SCOC: variants seen among roughly 807,000 people sequenced by gnomAD.
The protein encoded by SCOC is short coiled-coil protein, also known as short coiled coil protein.
SCOC carries 7 observed loss-of-function variants against 9.9 expected under a neutral mutation model. The observed-to-expected ratio is 0.71, with a 90% CI of 0.40 to 1.33. The LOEUF is 1.33. Among genes scored for constraint, SCOC ranks in the 40% most tolerant of loss-of-function variants. The pLI is 0.01. For missense variants in SCOC, 66 were observed against 89.7 expected, an observed-to-expected ratio of 0.74 and a Z score of 1.07; for synonymous variants, 19 against 28.2, an observed-to-expected ratio of 0.67 and a Z score of 1.03.
chr4:140,371,639 C>T (rs891752817), upstream of SCOC, among the ~76,000 whole-genome samples: 1 of 152,208 alleles, frequency 6.6e-6, no homozygotes, highest in African/African-American at 2.4e-5. Context: ...ATACCAACTT[C>T]CAGGTACCCT....
At chr4:140,345,962 T>G (rs894849689) in intron 2 of SCOC, among the ~76,000 whole-genome samples, 1 of 152,234 alleles carries the variant, frequency 6.6e-6, no homozygotes, top group Non-Finnish European at 1.5e-5. Flanking sequence ...TTATTTCATC[T>G]TTACAACATC....
At chr4:140,288,336 CAT>C (rs1330459267) in intron 1 of SCOC, among the ~76,000 whole-genome samples, 1 of 151,992 alleles carries the variant, frequency 6.6e-6, no homozygotes, top group African/African-American at 2.4e-5. Flanking sequence ...ATAAATATTA[CAT>C]GTCACACAAA....
At chr4:140,289,014 CAT>C (rs1039288958) in intron 1 of SCOC, among the ~76,000 whole-genome samples, 12 of 152,086 alleles carry the variant, frequency 7.9e-5, no homozygotes, top group African/African-American at 2.7e-4. Flanking sequence ...TGTCCACACA[CAT>C]GACACACACA....
At chr4:140,379,286 A>G (rs1257652282) in intron 2 of SCOC, 94 bp downstream of exon 2, 3 of 897,308 alleles carry the variant, frequency 3.3e-6, no homozygotes, top group Non-Finnish European at 5.6e-6. Context: ...CATGTTTAGA[A>G]GACTTTGATC....
intron 1 of SCOC, among the ~76,000 whole-genome samples, chr4:140,313,614 A>T (rs1364736042): frequency 6.6e-6 from 1 of 152,136 alleles, no homozygotes; most frequent in Non-Finnish European, 1.5e-5. Context: ...CAGAAAATTG[A>T]TATCTTTTAT....
At chr4:140,308,040 T>C (rs1732042374) in intron 1 of SCOC, among the ~76,000 whole-genome samples, 1 of 152,194 alleles carries the variant, frequency 6.6e-6, no homozygotes, top group Non-Finnish European at 1.5e-5. Flanking sequence ...AGGTATTTGC[T>C]GGTGGTAGAG....
chr4:140,379,774 A>C (rs569319351), intron 3 of SCOC, 122 bp downstream of exon 3: 1 of 646,248 alleles, frequency 1.5e-6, no homozygotes, highest in Non-Finnish European at 2.8e-6. Flanking sequence ...TTCAAAGTAC[A>C]CACATATATA....
At chr4:140,336,938 G>T (rs2126502021) in intron 1 of SCOC, among the ~76,000 whole-genome samples, 1 of 152,182 alleles carries the variant, frequency 6.6e-6, no homozygotes, top group African/African-American at 2.4e-5. Flanking sequence ...CATCCTAGTG[G>T]GTATAAAGTG....
chr4:140,366,409 T>C, intron 2 of SCOC: 1 of 1,327,628 alleles, frequency 7.5e-7, no homozygotes, highest in East Asian at 2.3e-5. Context: ...TAGCAGCAGC[T>C]GCAGCAGCAG....
chr4:140,340,421 A>C (rs2126506838), upstream of SCOC, among the ~76,000 whole-genome samples: 1 of 152,236 alleles, frequency 6.6e-6, no homozygotes, highest in South Asian at 2.1e-4. Context: ...ATATGTAACA[A>C]ACCTGCACGT....
intron 1 of SCOC, among the ~76,000 whole-genome samples, chr4:140,320,218 C>T (rs1000849398): frequency 6.6e-6 from 1 of 152,172 alleles, no homozygotes; most frequent in African/African-American, 2.4e-5. Context: ...GTTGTCCTCA[C>T]TGACACACTT....
upstream of SCOC, chr4:140,373,529 G>A (rs1728155772): frequency 1.9e-6 from 3 of 1,551,746 alleles, no homozygotes; most frequent in Non-Finnish European, 2.6e-6. Flanking sequence ...GGGTGAGGCG[G>A]GCAGCTAATG....
chr4:140,290,537 G>A (rs1257694916), intron 1 of SCOC, among the ~76,000 whole-genome samples: 1 of 152,214 alleles, frequency 6.6e-6, no homozygotes, highest in Non-Finnish European at 1.5e-5. Flanking sequence ...ATTGAGTAGG[G>A]CGCAGTGGCT....
upstream of SCOC, among the ~76,000 whole-genome samples, chr4:140,340,453 TTAAAG>T (rs1412433752): frequency 1.3e-5 from 2 of 151,558 alleles, no homozygotes; most frequent in South Asian, 2.1e-4. Context: ...ACCCTAAAAC[TTAAAG>T]TATAATAAAA....
intron 2 of SCOC, among the ~76,000 whole-genome samples, chr4:140,353,720 C>A (rs1288690061): frequency 2.0e-5 from 3 of 152,166 alleles, no homozygotes; most frequent in Admixed American, 1.3e-4. Flanking sequence ...CAGTCCTCAA[C>A]ATTGGGAACA....
chr4:140,372,716 A>C (rs1397270261), upstream of SCOC, among the ~76,000 whole-genome samples: 1 of 152,242 alleles, frequency 6.6e-6, no homozygotes, highest in Non-Finnish European at 1.5e-5. Flanking sequence ...AAAAGTCAAG[A>C]AACAGGGAGA....
rs1315356296 is a variant in SCOC, at chr4:140,384,056, C to A, written c.*2952C>A. 2 of 152,204 alleles carry A rather than the reference C, an allele frequency of 1.3e-5. No homozygotes were observed. Among genetic ancestry groups the A allele is most frequent in the African/African-American group, 4.8e-5 (2 of 41,440 alleles). The allele number at this position is 152,204 out of a possible 1,614,324, so 9.4% of individuals were successfully genotyped here. ...TGAACCTTTGCTGCTATTCAGACTTCAGAAACAATTGGCTTAATTTCATGA... is the reference window on the plus strand; with the variant it reads ...TGAACCTTTGCTGCTATTCAGACTTAAGAAACAATTGGCTTAATTTCATGA... On this transcript the variant is annotated 3_prime_UTR_variant, in exon 4 of 4. Coordinates refer to ENST00000608372, the MANE Select transcript of SCOC (RefSeq NM_001153484.2).
chr4:140,279,185 T>C (rs1731048396), intron 1 of SCOC, among the ~76,000 whole-genome samples: 1 of 152,324 alleles, frequency 6.6e-6, no homozygotes, highest in South Asian at 2.1e-4. Context: ...CTGTGTTTAG[T>C]TCTTCTATTC....
intron 1 of SCOC, among the ~76,000 whole-genome samples, chr4:140,332,141 C>T (rs1009608993): frequency 2.0e-5 from 3 of 152,118 alleles, no homozygotes; most frequent in African/African-American, 7.2e-5. Flanking sequence ...CAACCGCCTG[C>T]TACCAGGCCC....
Sources: allele counts gnomAD v4.1 joint callset (sites outside exome capture counted in the v4.1 genomes callset), GRCh38; gene constraint gnomAD v4.1.1; transcripts MANE v1.5; gene names NCBI Gene and HGNC (gene_info 2026-07-23, HGNC 2026-07-21).